GALNT7: variants seen among roughly 807,000 people sequenced by gnomAD.
GALNT7 encodes the protein N-acetylgalactosaminyltransferase 7.
Under a neutral mutation model 82.1 loss-of-function variants are expected in GALNT7, and 60 were observed. That is an observed-to-expected ratio of 0.73 (90% CI 0.59 to 0.91). GALNT7 has a LOEUF of 0.91. GALNT7 is among the 40% of genes least tolerant of loss of function. GALNT7 has a pLI of 0.00. For missense variants in GALNT7, 660 were observed against 804.2 expected (o/e 0.82, Z 2.17); for synonymous variants, 243 against 275.1 (o/e 0.88, Z 1.15).
In GALNT7 at chr4:173,323,871, A is replaced by G. The variant is rs1737911483; in HGVS notation, c.*2154A>G. Reference sequence around the variant, plus strand: ...TCTGTAGAAATTGTATAAATATTCAAAATTTTATTAGGATAAATTTGAGAA... The same window carrying G: ...TCTGTAGAAATTGTATAAATATTCAGAATTTTATTAGGATAAATTTGAGAA... On this transcript the variant is annotated 3_prime_UTR_variant, in exon 12 of 12. Coordinates refer to ENST00000265000, the MANE Select transcript of GALNT7 (RefSeq NM_017423.3). 1 of 152,614 alleles carries G rather than the reference A, an allele frequency of 6.6e-6. No homozygotes were observed. 9.5% of individuals were successfully genotyped at this position (152,614 alleles called of 1,614,324 possible).
intron 2 of GALNT7, among the ~76,000 whole-genome samples, chr4:173,272,293 CAA>C (rs1735757054): frequency 6.6e-6 from 1 of 152,186 alleles, no homozygotes; most frequent in South Asian, 2.1e-4. Context: ...GAGGGACTCT[CAA>C]GAGAGAATGC....
intron 1 of GALNT7, among the ~76,000 whole-genome samples, chr4:173,237,203 T>G (rs1217572873): frequency 6.6e-6 from 1 of 152,226 alleles, no homozygotes; most frequent in African/African-American, 2.4e-5. Flanking sequence ...CCTGGGGTGG[T>G]TATTTTTTCA....
rs35677774 is a variant in GALNT7, at chr4:173,184,743, T to TAA, written c.126+15791_126+15792dup. Among the ~76,000 whole-genome samples the TAA allele has an allele frequency of 5.4e-5, 8 of 149,434 alleles. No individual in the cohort carries two copies. The East Asian group carries it at 1.4e-3, about 26-fold the overall frequency. ...TATATGGAACAACTTCCTGATAATG[T>TAA]AAAAAAAAAACTGATTTAGGAGAGG... On this transcript the variant is annotated intron_variant, in intron 1 of 11. Transcript: ENST00000265000.
At chr4:173,288,261 C>A (rs1434147427) in intron 2 of GALNT7, among the ~76,000 whole-genome samples, 2 of 111,864 alleles carry the variant, frequency 1.8e-5, no homozygotes, top group South Asian at 5.7e-4. Context: ...CCAGCCTGGG[C>A]GACAGAGCGA....
intron 1 of GALNT7, among the ~76,000 whole-genome samples, chr4:173,243,488 C>T (rs937695854): frequency 6.6e-6 from 1 of 152,194 alleles, no homozygotes; most frequent in Admixed American, 6.6e-5. Context: ...ACGAAGGTAT[C>T]ATTGTACCAG....
At chr4:173,286,880 T>A (rs770884151) in intron 2 of GALNT7, among the ~76,000 whole-genome samples, 6 of 152,192 alleles carry the variant, frequency 3.9e-5, no homozygotes, top group Non-Finnish European at 8.8e-5. Context: ...TAGACCTAGG[T>A]ACTTTACTGA....
rs113249937 is a variant in GALNT7 at position 173,191,063 on chromosome 4, G to GA, written c.126+22114dup. 7.6e-3 allele frequency among the ~76,000 whole-genome samples: 1,061 copies of GA among 140,328 alleles called. 8 individuals carry two copies. The highest frequency in any genetic ancestry group is 0.021 in the Middle Eastern group (6 of 280). 92.1% of individuals were successfully genotyped at this position (140,328 alleles called of 152,430 possible). A position where few individuals can be genotyped will look rare whatever the true frequency, so the allele number is the denominator to read the frequency against. ...AATGGGCAGGTTGTATTGGAGGACT[G>GA]AAAAAAAAAAAATGGAAATATTAAG... On this transcript the variant is annotated intron_variant, in intron 1 of 11. Transcript: ENST00000265000.
intron 1 of GALNT7, among the ~76,000 whole-genome samples, chr4:173,217,904 A>G (rs993609230): frequency 2.0e-5 from 3 of 152,324 alleles, no homozygotes; most frequent in South Asian, 2.1e-4. Flanking sequence ...GATACTCCCT[A>G]TAAAGCCAAA....
chr4:173,203,591 A>G (rs1733006637), intron 1 of GALNT7, among the ~76,000 whole-genome samples: 1 of 152,154 alleles, frequency 6.6e-6, no homozygotes, highest in Admixed American at 6.5e-5. Context: ...CTCTGCTGCT[A>G]TGCCTTGATT....
intron 2 of GALNT7, among the ~76,000 whole-genome samples, chr4:173,264,270 A>C (rs924140534): frequency 1.3e-5 from 2 of 152,230 alleles, no homozygotes; most frequent in Non-Finnish European, 2.9e-5. Context: ...CCAAAGCCAG[A>C]GTAACTAAGA....
chr4:173,172,455 G>T (rs186027906), intron 1 of GALNT7, among the ~76,000 whole-genome samples: 220 of 152,302 alleles, frequency 1.4e-3, no homozygotes, highest in African/African-American at 5.2e-3. Flanking sequence ...GATCTTAGTG[G>T]GAACCTGCTG....
intron 1 of GALNT7, among the ~76,000 whole-genome samples, chr4:173,220,006 G>T (rs970935870): frequency 2.6e-5 from 4 of 152,038 alleles, no homozygotes; most frequent in African/African-American, 9.7e-5. Context: ...ATTAAGTCCT[G>T]TGTATTTATC....
Position 173,301,509 on chromosome 4 carries a change from G to C in GALNT7, c.1149-538G>C, listed in dbSNP as rs1032484581. Among the ~76,000 whole-genome samples, 19 of 152,270 alleles carry C rather than the reference G, an allele frequency of 1.2e-4. No homozygotes were observed. The Middle Eastern group carries it at 0.01, about 82-fold the overall frequency. On this transcript the variant is annotated intron_variant, in intron 6 of 11. Coordinates refer to ENST00000265000, the MANE Select transcript of GALNT7 (RefSeq NM_017423.3). ...GTAAATATCTATATCTAATTCTCCTGTGTCATTTCTGTGCTACATTTGCAA... is the reference window on the plus strand; with the variant it reads ...GTAAATATCTATATCTAATTCTCCTCTGTCATTTCTGTGCTACATTTGCAA...
intron 2 of GALNT7, among the ~76,000 whole-genome samples, chr4:173,266,602 A>C (rs1217625059): frequency 6.6e-6 from 1 of 152,196 alleles, no homozygotes; most frequent in African/African-American, 2.4e-5. Flanking sequence ...CTCTTTTTAA[A>C]TGTGGACATA....
intron 1 of GALNT7, among the ~76,000 whole-genome samples, chr4:173,240,357 ATTTTTTTT>A (rs869162691): frequency 1.8e-4 from 19 of 104,138 alleles, no homozygotes; most frequent in African/African-American, 3.7e-4. Context: ...ACACTGGCTA[ATTTTTTTT>A]TTTTTTTTTT....
rs1736959783 is a variant in GALNT7, at chr4:173,301,995, G to GGGTTATTGGGGGTTTGTCTGTAAT, written c.1149-43_1149-20dup. 4 of 831,728 alleles carry GGGTTATTGGGGGTTTGTCTGTAAT rather than the reference G, an allele frequency of 4.8e-6. No individual in the cohort carries two copies. In the Admixed American group the frequency reaches 7.6e-5, roughly 16 times the overall value. The allele number at this position is 831,728 out of a possible 1,614,324, so 51.5% of individuals were successfully genotyped here. On this transcript the variant is annotated intron_variant, in intron 6 of 11. Transcript: ENST00000265000. ...ACAAGGCTTCTTGCCTATTGGTGAA[G>GGGTTATTGGGGGTTTGTCTGTAAT]GGTTATTGGGGGTTTGTCTGTAATG...
At chr4:173,190,702 T>G (rs987621251) in intron 1 of GALNT7, among the ~76,000 whole-genome samples, 2 of 152,200 alleles carry the variant, frequency 1.3e-5, no homozygotes, top group East Asian at 3.8e-4. Flanking sequence ...TACCAAGCAG[T>G]GCTTTTTAAC....
intron 5 of GALNT7, 128 bp from the exon 6 acceptor site, chr4:173,297,987 A>G (rs1736781808): frequency 6.7e-7 from 1 of 1,501,820 alleles, no homozygotes; most frequent in Non-Finnish European, 8.8e-7. Context: ...GGTAAAGACT[A>G]TTACTTTATT....
chr4:173,243,591 T>C (rs1225056900), intron 1 of GALNT7, among the ~76,000 whole-genome samples: 1 of 152,180 alleles, frequency 6.6e-6, no homozygotes, highest in African/African-American at 2.4e-5. Flanking sequence ...TTACACCACT[T>C]TATAGCCGTT....
Sources: gnomAD v4.1 joint callset for allele counts (sites outside exome capture counted in the v4.1 genomes callset) on GRCh38, gnomAD v4.1.1 for gene constraint, MANE v1.5 for transcripts, NCBI Gene and HGNC (gene_info 2026-07-23, HGNC 2026-07-21) for gene names.